Variants in SACM1L observed in about 807,000 individuals in gnomAD.
SACM1L encodes SAC1 like phosphatidylinositide phosphatase.
In SACM1L, 32 loss-of-function variants were observed where a neutral mutation model predicts 89.5. The observed-to-expected ratio is 0.36, with a 90% CI of 0.27 to 0.48. The LOEUF (loss-of-function observed/expected upper bound fraction) is 0.48, where lower values mean the gene tolerates loss of function less well. SACM1L is among the 20% of genes least tolerant of loss of function. The probability of loss-of-function intolerance (pLI) is 0.99; values close to 1 mark genes in which losing one functional copy is unlikely to be tolerated. For synonymous variants in SACM1L, 213 were observed against 232.8 expected, an observed-to-expected ratio of 0.92 and a Z score of 0.77; for missense variants, 543 against 708.5, an observed-to-expected ratio of 0.77 and a Z score of 2.65.
intron 1 of SACM1L, among the ~76,000 whole-genome samples, chr3:45,694,349 A>G (rs973366977): frequency 3.9e-5 from 6 of 152,194 alleles, no homozygotes; most frequent in African/African-American, 1.4e-4. Flanking sequence ...GATATGATCC[A>G]ACCTTGAAAA....
At chr3:45,692,632 C>A (rs1698022325) in intron 1 of SACM1L, among the ~76,000 whole-genome samples, 1 of 152,184 alleles carries the variant, frequency 6.6e-6, no homozygotes, top group African/African-American at 2.4e-5. Flanking sequence ...AGATGAAGTA[C>A]TTAGTGTACC....
chr3:45,718,805 A>G (rs1442189146), intron 7 of SACM1L, among the ~76,000 whole-genome samples: 1 of 152,272 alleles, frequency 6.6e-6, no homozygotes, highest in East Asian at 1.9e-4. Flanking sequence ...AGCCTTTAGA[A>G]TTTCTAGGTG....
chr3:45,738,135 T>TA (rs2125706397), intron 16 of SACM1L, among the ~76,000 whole-genome samples: 1 of 152,346 alleles, frequency 6.6e-6, no homozygotes, highest in Non-Finnish European at 1.5e-5. Context: ...AGATGTGCTC[T>TA]AAAAAGCACC....
At chr3:45,705,682 T>C (rs1190141332) in intron 3 of SACM1L, among the ~76,000 whole-genome samples, 1 of 151,992 alleles carries the variant, frequency 6.6e-6, no homozygotes, top group African/African-American at 2.4e-5. Context: ...TGTTATATTT[T>C]TAGTAGAGAT....
chr3:45,700,791 G>A (rs1698246933), intron 1 of SACM1L, among the ~76,000 whole-genome samples: 1 of 152,158 alleles, frequency 6.6e-6, no homozygotes, highest in Non-Finnish European at 1.5e-5. Context: ...TCATGCCTTA[G>A]CCTCCCAATA....
chr3:45,714,895 T>C (rs1362679184), intron 7 of SACM1L, among the ~76,000 whole-genome samples: 1 of 152,190 alleles, frequency 6.6e-6, no homozygotes, highest in Non-Finnish European at 1.5e-5. Context: ...CATACTGACA[T>C]TTCAGTCGGT....
At chr3:45,704,056 T>C (rs945990073) in intron 2 of SACM1L, among the ~76,000 whole-genome samples, 2 of 152,230 alleles carry the variant, frequency 1.3e-5, no homozygotes, top group African/African-American at 4.8e-5. Context: ...TAACCAGTTA[T>C]ACTTTGGTTA....
Position 45,689,757 on chromosome 3 carries a change from C to A in SACM1L, c.32+260C>A, listed in dbSNP as rs755443054. ...TGAAGAGAGAAGCTGCCGACTGGCC[C>A]CCACCGAGCCGGGGTCGGCGTTATG... On this transcript the variant is annotated intron_variant, in intron 1 of 19. Transcript: ENST00000389061. 8.5e-6 allele frequency: 5 copies of A among 585,426 alleles called. No homozygotes were observed. The Admixed American group carries it at 1.5e-4, about 18-fold the overall frequency. The allele number at this position is 585,426 out of a possible 1,614,324, so 36.3% of individuals were successfully genotyped here.
intron 11 of SACM1L, among the ~76,000 whole-genome samples, chr3:45,724,208 T>C (rs931423226): frequency 1.3e-5 from 2 of 152,082 alleles, no homozygotes; most frequent in Non-Finnish European, 2.9e-5. Context: ...CCATACTGTT[T>C]GCCATAGCGG....
At chr3:45,723,238 C>T (rs947927944) in intron 10 of SACM1L, among the ~76,000 whole-genome samples, 28 of 151,906 alleles carry the variant, frequency 1.8e-4, no homozygotes, top group Admixed American at 6.6e-5. Context: ...TTAATATATT[C>T]CACTGAGGTT....
intron 1 of SACM1L, among the ~76,000 whole-genome samples, chr3:45,699,287 A>C (rs1698204586): frequency 6.8e-6 from 1 of 146,964 alleles, no homozygotes. Context: ...TATAATTAAA[A>C]TAAATAAATA....
At chr3:45,712,047 A>G (rs1877932) in intron 5 of SACM1L, among the ~76,000 whole-genome samples, 73,437 of 152,028 alleles carry the variant, frequency 0.48, 18,283 homozygotes, top group Middle Eastern at 0.57. Context: ...GTTAAACTAT[A>G]TAATGATGAA....
intron 14 of SACM1L, among the ~76,000 whole-genome samples, chr3:45,735,982 T>C (rs978468619): frequency 2.0e-4 from 30 of 152,302 alleles, no homozygotes; most frequent in African/African-American, 7.2e-4. Context: ...TCCTACTAAC[T>C]CAGCCTCCCA....
intron 2 of SACM1L, 69 bp from the exon 3 acceptor site, chr3:45,705,066 G>A (rs1698356293): frequency 5.1e-6 from 5 of 987,006 alleles, no homozygotes; most frequent in South Asian, 2.8e-5. Flanking sequence ...TATTGAAATC[G>A]AACTAAATTT....
intron 1 of SACM1L, among the ~76,000 whole-genome samples, chr3:45,696,179 A>G (rs908848304): frequency 2.0e-5 from 3 of 151,862 alleles, no homozygotes; most frequent in African/African-American, 4.8e-5. Flanking sequence ...TTGTATTTTT[A>G]GTAGAGACAA....
chr3:45,733,024 A>C (rs1475569289), intron 13 of SACM1L, among the ~76,000 whole-genome samples: 1 of 152,240 alleles, frequency 6.6e-6, no homozygotes, highest in Non-Finnish European at 1.5e-5. Flanking sequence ...TGCCATGAAC[A>C]CAGAAGGGAA....
chr3:45,699,745 C>T (rs1429161592), intron 1 of SACM1L, among the ~76,000 whole-genome samples: 1 of 152,124 alleles, frequency 6.6e-6, no homozygotes, highest in African/African-American at 2.4e-5. Flanking sequence ...TGGACTCAAA[C>T]TTCTCACCTC....
At chr3:45,717,142 G>A (rs1224501246) in intron 7 of SACM1L, among the ~76,000 whole-genome samples, 4 of 152,198 alleles carry the variant, frequency 2.6e-5, no homozygotes, top group Non-Finnish European at 5.9e-5. Flanking sequence ...CAAGTCTGAT[G>A]ATACCAGGTA....
intron 14 of SACM1L, 196 bp from the exon 15 acceptor site, chr3:45,737,387 T>G (rs1402432054): frequency 1.7e-6 from 1 of 600,310 alleles, no homozygotes; most frequent in Non-Finnish European, 2.9e-6. Context: ...AAAGGTGCCC[T>G]CAGGAGAGGC....
Sources: allele counts gnomAD v4.1 joint callset (sites outside exome capture counted in the v4.1 genomes callset), GRCh38; gene constraint gnomAD v4.1.1; transcripts MANE v1.5; gene names NCBI Gene and HGNC (gene_info 2026-07-23, HGNC 2026-07-21).